Variants in QSER1 observed in about 807,000 individuals in gnomAD.
The protein encoded by QSER1 is glutamine and serine-rich protein 1.
A neutral mutation model predicts 158.5 loss-of-function variants in QSER1; 49 were observed. The ratio of observed to expected loss-of-function variants is 0.31; its 90% CI spans 0.25 to 0.39. The LOEUF (loss-of-function observed/expected upper bound fraction) is 0.39, where lower values mean the gene tolerates loss of function less well. QSER1 is among the 10% of genes least tolerant of loss of function. The pLI is 1.00. For synonymous variants in QSER1, 650 were observed against 715.5 expected (o/e 0.91, Z 1.46); for missense variants, 1,754 against 2,010.3 (o/e 0.87, Z 2.44).
At chr11:32,969,248 C>A in intron 10 of QSER1, 105 bp downstream of exon 10, 1 of 739,460 alleles carries the variant, frequency 1.4e-6, no homozygotes, top group South Asian at 1.8e-5. Context: ...CATTTTTCAC[C>A]TAATGAAAAT....
rs1444259397 is a variant in QSER1, at chr11:32,979,893, A to G, written c.*3419A>G. 6 of 152,292 alleles carry G rather than the reference A, an allele frequency of 3.9e-5. No individual in the cohort carries two copies. The South Asian group carries it at 6.2e-4, about 16-fold the overall frequency. 9.4% of individuals were successfully genotyped at this position (152,292 alleles called of 1,614,324 possible). A position where few individuals can be genotyped will look rare whatever the true frequency, so the allele number is the denominator to read the frequency against. On this transcript the variant is annotated 3_prime_UTR_variant, in exon 13 of 13. Transcript: ENST00000650167. Reference sequence around the variant, plus strand: ...AATTTTATTGTATTTGTAGAATACAATTTTTGTTTTAAACTGTATTTCAAT... The same window carrying G: ...AATTTTATTGTATTTGTAGAATACAGTTTTTGTTTTAAACTGTATTTCAAT...
At chr11:32,974,668 C>G (rs893349461) in intron 11 of QSER1, among the ~76,000 whole-genome samples, 5 of 152,058 alleles carry the variant, frequency 3.3e-5, no homozygotes, top group African/African-American at 9.7e-5. Context: ...GTTCTAAGTA[C>G]TAGAGATACA....
intron 1 of QSER1, among the ~76,000 whole-genome samples, chr11:32,921,724 A>G (rs1299278344): frequency 3.3e-5 from 5 of 152,234 alleles, no homozygotes; most frequent in Admixed American, 2.6e-4. Context: ...TTTAGATTCA[A>G]TACAGTTTTT....
chr11:32,966,499 G>A, intron 9 of QSER1, 62 bp downstream of exon 9: 1 of 1,507,730 alleles, frequency 6.6e-7, no homozygotes, highest in Non-Finnish European at 9.0e-7. Flanking sequence ...AAGAAATCTT[G>A]TCTGTTAGTT....
At position 32,933,241 on chromosome 11, in the gene QSER1, A is replaced by G. The variant is rs1299275560; in HGVS notation, c.1983A>G (p.Thr661=). 3.7e-6 allele frequency: 6 copies of G among 1,613,634 alleles called. No individual in the cohort carries two copies. The highest frequency in any genetic ancestry group is 5.1e-6 in the Non-Finnish European group (6 of 1,179,952). Residue 661 remains threonine (T), a synonymous_variant, in exon 4 of 13, where the codon ACA becomes ACG. Transcript: ENST00000650167. Reference sequence around the variant, plus strand: ...TTGCATCCTCTACTCATTGTCAGACATTACAAAATAACATAACTTCCCCTG... The same window carrying G: ...TTGCATCCTCTACTCATTGTCAGACGTTACAAAATAACATAACTTCCCCTG... The part of the protein sequence containing the change: ...SSFASSTHCQ[T]LQNNITSPDP...
Position 32,934,160 on chromosome 11 carries a change from G to T in QSER1, c.2902G>T (p.Val968Leu), listed in dbSNP as rs1852100460. The T allele has an allele frequency of 1.2e-6, 2 of 1,614,052 alleles. No individual in the cohort carries two copies. The highest frequency in any genetic ancestry group is 1.7e-6 in the Non-Finnish European group (2 of 1,179,990). ...TGGATCGATGTGTTTCCCAGAGGCA[G>T]TGCTTCTTAGTGATGAAAGAAATAT... Reference protein sequence around the residue: ...SLGSMCFPEAVLLSDERNILS... With the variant: ...SLGSMCFPEALLLSDERNILS... The change falls in exon 4 of 13, where the codon GTG becomes TTG. Residue 968 changes from valine (V) to leucine (L), a missense_variant. By Grantham distance (32) the Val-to-Leu change is conservative. Transcript: ENST00000650167.
At chr11:32,962,366 CTTT>C (rs1012823105) in intron 8 of QSER1, among the ~76,000 whole-genome samples, 4 of 152,122 alleles carry the variant, frequency 2.6e-5, no homozygotes, top group Admixed American at 2.6e-4. Context: ...GGTTATTTGT[CTTT>C]TTGTTGTTAA....
rs533056517 is a variant in QSER1 at position 32,958,107 on chromosome 11, C to T, written c.4969+21C>T. The T allele has an allele frequency of 2.5e-6, 4 of 1,574,830 alleles. No individual in the cohort carries two copies. The South Asian group carries it at 4.4e-5, about 17-fold the overall frequency. ...TGAGGGTGAGTTTTCCGTGAAATGG[C>T]TACCCTGATAACTTTAGATTATCTA... On this transcript the variant is annotated intron_variant, in intron 8 of 12. Coordinates refer to ENST00000650167, the MANE Select transcript of QSER1 (RefSeq NM_001076786.3).
intron 1 of QSER1, among the ~76,000 whole-genome samples, chr11:32,895,367 T>C (rs1662110456): frequency 6.6e-6 from 1 of 152,104 alleles, no homozygotes; most frequent in South Asian, 2.1e-4. Flanking sequence ...TAACATCTTG[T>C]ATTGGGATCA....
In QSER1 at chr11:32,979,655, T is replaced by C. The variant is rs561409113; in HGVS notation, c.*3181T>C. 6.6e-6 allele frequency: 1 copy of C among 152,350 alleles called. No individual in the cohort carries two copies. Among genetic ancestry groups the C allele is most frequent in the African/African-American group, 2.4e-5 (1 of 41,592 alleles). 9.4% of individuals were successfully genotyped at this position (152,350 alleles called of 1,614,324 possible). On this transcript the variant is annotated 3_prime_UTR_variant, in exon 13 of 13. Transcript: ENST00000650167. The stretch of plus-strand genomic sequence containing the variant: ...CTAAACTTCTTTCTGTTTCCAAAAC[T>C]TGAAAATATGTAGATGGACTCATGC...
intron 8 of QSER1, among the ~76,000 whole-genome samples, chr11:32,962,906 G>C (rs1481786127): frequency 6.6e-6 from 1 of 152,014 alleles, no homozygotes; most frequent in African/African-American, 2.4e-5. Flanking sequence ...GTCTGGATAG[G>C]CATAGTGTAT....
At chr11:32,958,652 G>A (rs1040732779) in intron 8 of QSER1, among the ~76,000 whole-genome samples, 5 of 152,108 alleles carry the variant, frequency 3.3e-5, no homozygotes, top group African/African-American at 1.2e-4. Context: ...AAAGTGCTGG[G>A]ATTACGGGCA....
intron 1 of QSER1, among the ~76,000 whole-genome samples, chr11:32,895,464 C>A (rs1337561661): frequency 1.3e-5 from 2 of 152,158 alleles, no homozygotes; most frequent in Non-Finnish European, 2.9e-5. Flanking sequence ...TCAGTTATAT[C>A]AAAAATGGCA....
chr11:32,976,389 T>A lies in QSER1; in HGVS notation c.5510T>A (p.Leu1837His). Residue 1837 changes from leucine (L) to histidine (H), a missense_variant, in exon 13 of 13, where the codon CTT (leucine) becomes CAT (histidine). Coordinates refer to ENST00000650167, the MANE Select transcript of QSER1 (RefSeq NM_001076786.3). The stretch of plus-strand genomic sequence containing the variant: ...TTAGGACAGGAGGAAATTGTTCAAC[T>A]TTGTATGAAAAATGTAAAATGGGTG... ...EDLGQEEIVQ[L>H]CMKNVKWVED... 6.2e-7 allele frequency: 1 copy of A among 1,608,700 alleles called. No individual in the cohort carries two copies. The highest frequency in any genetic ancestry group is 1.1e-5 in the South Asian group (1 of 89,510).
intron 1 of QSER1, among the ~76,000 whole-genome samples, chr11:32,922,614 A>G (rs1474883165): frequency 1.3e-5 from 2 of 150,930 alleles, no homozygotes; most frequent in African/African-American, 4.9e-5. Context: ...CCTCCCGAGT[A>G]GCTAGAATTA....
At position 32,954,069 on chromosome 11, in the gene QSER1, GT is replaced by G. The variant is rs1852469769; in HGVS notation, c.4392del (p.Ala1465ProfsTer2). The G allele has an allele frequency of 6.2e-7, 1 of 1,614,062 alleles. No individual in the cohort carries two copies. Among genetic ancestry groups the G allele is most frequent in the Non-Finnish European group, 8.5e-7 (1 of 1,180,038 alleles). On this transcript the variant is annotated frameshift_variant, in exon 5 of 13. Coordinates refer to ENST00000650167, the MANE Select transcript of QSER1 (RefSeq NM_001076786.3). LOFTEE classifies it high-confidence loss of function. ...SDQFAKGQDT[V>X]AIEGFTDEED... is the part of the protein sequence containing the mutation. ...CCAGTTTGCAAAAGGACAGGACACT[GT>G]TGCCATAGAAGGTTTTACAGATGAG...
At chr11:32,973,274 TGCACACACACC>T in intron 10 of QSER1, 112 bp from the exon 11 acceptor site, 1 of 972,224 alleles carries the variant, frequency 1.0e-6, no homozygotes, top group Non-Finnish European at 1.6e-6. Flanking sequence ...GGTGTTTGTG[TGCACACACACC>T]TCTCTGCAAA....
intron 12 of QSER1, chr11:32,975,726 A>T: frequency 2.2e-6 from 2 of 895,240 alleles, no homozygotes; most frequent in Non-Finnish European, 2.8e-6. Flanking sequence ...GAATGGCCTT[A>T]TCCCACTTAA....
chr11:32,954,205 A>T (rs758783752), intron 5 of QSER1, 26 bp downstream of exon 5: 1 of 1,592,190 alleles, frequency 6.3e-7, no homozygotes, highest in Non-Finnish European at 8.6e-7. Flanking sequence ...ACCAGTGTAA[A>T]GGTCATAGTT....
Sources: allele counts gnomAD v4.1 joint callset (sites outside exome capture counted in the v4.1 genomes callset), GRCh38; gene constraint gnomAD v4.1.1; transcripts MANE v1.5; gene names NCBI Gene and HGNC (gene_info 2026-07-23, HGNC 2026-07-21).